Variants in ADAMTS2 observed in about 807,000 individuals in gnomAD.
ADAMTS2 encodes the protein ADAM metallopeptidase with thrombospondin type 1 motif 2, also known as A disintegrin and metalloproteinase with thrombospondin motifs 2.
Under a neutral mutation model 123.0 loss-of-function variants are expected in ADAMTS2, and 50 were observed. The observed-to-expected ratio is 0.41, with a 90% CI of 0.32 to 0.51. The LOEUF is 0.51. Among genes scored for constraint, ADAMTS2 ranks in the 20% least tolerant of loss-of-function variants. The probability of loss-of-function intolerance (pLI) is 0.35; values close to 1 mark genes in which losing one functional copy is unlikely to be tolerated. For missense variants in ADAMTS2, 1,494 were observed against 1,705.2 expected (o/e 0.88, Z 2.18); for synonymous variants, 678 against 695.4 (o/e 0.98, Z 0.39).
intron 4 of ADAMTS2, among the ~76,000 whole-genome samples, chr5:179,186,117 G>A (rs945765091): frequency 2.6e-5 from 4 of 152,138 alleles, no homozygotes; most frequent in Non-Finnish European, 5.9e-5. Context: ...TGGGGCTTGC[G>A]ATGGCCTCCT....
In ADAMTS2 at chr5:179,155,149, G is replaced by A. The variant is rs376433242; in HGVS notation, c.1133-230C>T. Among the ~76,000 whole-genome samples, 9 of 152,338 alleles carry A rather than the reference G, an allele frequency of 5.9e-5. No homozygotes were observed. The East Asian group carries it at 9.6e-4, about 16-fold the overall frequency. ...CCGTCACCACACAAGCCCCGTGGCC[G>A]TTCTGCCTGTAACAGCCACACTGCA... On this transcript the variant is annotated intron_variant, in intron 6 of 21. Transcript: ENST00000251582. The surrounding 1 kb of genome is among the most constrained non-coding windows in gnomAD (Gnocchi z 5.1).
intron 2 of ADAMTS2, among the ~76,000 whole-genome samples, chr5:179,342,299 T>G (rs1199759845): frequency 6.6e-6 from 1 of 152,014 alleles, no homozygotes; most frequent in Non-Finnish European, 1.5e-5. Flanking sequence ...AGCAAACATC[T>G]CCTTTCATTT....
rs41285549 is a variant in ADAMTS2 at position 179,154,123 on chromosome 5, C to T, written c.1308G>A (p.Ala436=). ...GGTGGAAGGCGGCCTGCACCAGGGG[C>T]GCCATGATGCTGCCCAGCCGCACCT... ...GDEVRLGSIM[A]PLVQAAFHRF... is the part of the protein sequence containing the mutation. The change falls in exon 8 of 22, where the codon GCG becomes GCA. Residue 436 remains alanine (A), a synonymous_variant. Transcript: ENST00000251582. The T allele has an allele frequency of 3.1e-3, 4,987 of 1,594,590 alleles. 16 individuals are homozygous for T. The highest frequency in any genetic ancestry group is 3.6e-3 in the Non-Finnish European group (4,211 of 1,175,622).
rs10464054 is a variant in ADAMTS2 at position 179,303,016 on chromosome 5, T to G, written c.535-29952A>C. Among the ~76,000 whole-genome samples, 196 of 139,590 alleles carry G rather than the reference T, an allele frequency of 1.4e-3. No individual in the cohort carries two copies. Among genetic ancestry groups the G allele is most frequent in the African/African-American group, 4.0e-3 (149 of 37,630 alleles). The allele number at this position is 139,590 out of a possible 152,430, so 91.6% of individuals were successfully genotyped here. ...GTGGGCCTGGGTGGGGTACAGGAGG[T>G]CAGAGTGGTGGGCGGGGGCAGACTG... On this transcript the variant is annotated intron_variant, in intron 2 of 21. Coordinates refer to ENST00000251582, the MANE Select transcript of ADAMTS2 (RefSeq NM_014244.5). This position sits in a 1 kb window ranked among gnomAD's most constrained non-coding sequence, Gnocchi z 4.7.
At chr5:179,134,003 C>T (rs1471610690) in intron 13 of ADAMTS2, among the ~76,000 whole-genome samples, 2 of 152,086 alleles carry the variant, frequency 1.3e-5, no homozygotes, top group East Asian at 1.9e-4. Flanking sequence ...TGAGCCACCA[C>T]GCCCAGCCCC....
intron 3 of ADAMTS2, among the ~76,000 whole-genome samples, chr5:179,250,285 T>C (rs1278613424): frequency 6.6e-6 from 1 of 152,156 alleles, no homozygotes; most frequent in Non-Finnish European, 1.5e-5. Flanking sequence ...GTATTCAACA[T>C]AGTACCGGAC....
At position 179,132,951 on chromosome 5, in the gene ADAMTS2, A is replaced by G. The variant is rs61610112; in HGVS notation, c.2086-51T>C. The G allele has an allele frequency of 1.5e-3, 2,408 of 1,598,074 alleles. 24 individuals are homozygous for G. The African/African-American group carries it at 0.029, about 19-fold the overall frequency. ...CTTGAGACGTCCTGCTAGTAGAGTC[A>G]GGGTCATACTATGTTGCCCCCAGTC... On this transcript the variant is annotated intron_variant, in intron 13 of 21. Transcript: ENST00000251582. The surrounding 1 kb of genome is among the most constrained non-coding windows in gnomAD (Gnocchi z 6.1).
At chr5:179,253,701 G>A (rs563310343) in intron 3 of ADAMTS2, among the ~76,000 whole-genome samples, 1 of 151,616 alleles carries the variant, frequency 6.6e-6, no homozygotes, top group African/African-American at 2.4e-5. Flanking sequence ...CACTGTGCTG[G>A]CTGCCCCAGC....
Position 179,181,960 on chromosome 5 carries a change from GCACTGAGCCCC to G in ADAMTS2, c.892-816_892-806del, listed in dbSNP as rs1181649344. ...CTCGAGGCTGTCAGGGGCTTCCTTC[GCACTGAGCCCC>G]CACCCTCCAGCTTCCCACCGCACAC... is the stretch of plus-strand genomic sequence containing the variant. On this transcript the variant is annotated intron_variant, in intron 4 of 21. Transcript: ENST00000251582. This position sits in a 1 kb window ranked among gnomAD's most constrained non-coding sequence, Gnocchi z 4.1. 6.6e-6 allele frequency among the ~76,000 whole-genome samples: 1 copy of G among 151,976 alleles called. No homozygotes were observed. The highest frequency in any genetic ancestry group is 6.6e-5 in the Admixed American group (1 of 15,264).
At chr5:179,146,035 A>G (rs1763244829) in intron 10 of ADAMTS2, among the ~76,000 whole-genome samples, 1 of 152,102 alleles carries the variant, frequency 6.6e-6, no homozygotes, top group East Asian at 1.9e-4. Flanking sequence ...TTGTATTTTT[A>G]GCAGAGACAG....
At chr5:179,283,549 CAAAAAAAA>C (rs3986816) in intron 2 of ADAMTS2, among the ~76,000 whole-genome samples, 24 of 51,332 alleles carry the variant, frequency 4.7e-4, no homozygotes, top group African/African-American at 2.1e-3. Flanking sequence ...AGAAAAACAG[CAAAAAAAA>C]AAAAAAAAAA....
chr5:179,186,465 C>T (rs549625081), intron 4 of ADAMTS2, among the ~76,000 whole-genome samples: 1 of 152,136 alleles, frequency 6.6e-6, no homozygotes, highest in Non-Finnish European at 1.5e-5. Context: ...CCTCCGTGGG[C>T]CTGAGGAGTG....
chr5:179,165,504 G>A (rs541916243), intron 5 of ADAMTS2, among the ~76,000 whole-genome samples: 2 of 152,278 alleles, frequency 1.3e-5, no homozygotes, highest in East Asian at 3.9e-4. Flanking sequence ...GACTCCACCT[G>A]TTCCTAGCTG....
rs979477690 is a variant in ADAMTS2, at chr5:179,129,795, T to C, written c.2457+137A>G. Reference sequence around the variant, plus strand: ...CTGGCTCTGACCAAGTCGGAGCCCCTTGGTGCCAAAGGCAGGCCAAAGGGG... The same window carrying C: ...CTGGCTCTGACCAAGTCGGAGCCCCCTGGTGCCAAAGGCAGGCCAAAGGGG... On this transcript the variant is annotated intron_variant, in intron 16 of 21. Transcript: ENST00000251582. This position sits in a 1 kb window ranked among gnomAD's most constrained non-coding sequence, Gnocchi z 4.1. The C allele has an allele frequency of 1.1e-5, 13 of 1,202,054 alleles. No homozygotes were observed. The highest frequency in any genetic ancestry group is 7.5e-5 in the East Asian group (3 of 39,826). The allele number at this position is 1,202,054 out of a possible 1,614,324, so 74.5% of individuals were successfully genotyped here.
In ADAMTS2 at chr5:179,166,010, C is replaced by G. The variant is rs867052916; in HGVS notation, c.976-7131G>C. Among the ~76,000 whole-genome samples the G allele has an allele frequency of 2.0e-5, 3 of 152,158 alleles. No individual in the cohort carries two copies. In the South Asian group the frequency reaches 6.2e-4, roughly 32 times the overall value. ...CCCCTCATGGAGGGCTCTGCCACCCCTGTTTGGAGGTGACATCGACCACTG... is the reference window on the plus strand; with the variant it reads ...CCCCTCATGGAGGGCTCTGCCACCCGTGTTTGGAGGTGACATCGACCACTG... On this transcript the variant is annotated intron_variant, in intron 5 of 21. Transcript: ENST00000251582.
chr5:179,243,921 C>A (rs145260392), intron 3 of ADAMTS2, among the ~76,000 whole-genome samples: 2 of 152,178 alleles, frequency 1.3e-5, no homozygotes, highest in African/African-American at 4.8e-5. Context: ...TAGATTGGAA[C>A]TGGCAGAAGA....
intron 5 of ADAMTS2, among the ~76,000 whole-genome samples, chr5:179,174,847 CATTCATGTTCCTTTGGAGGAA>C (rs1763898899): frequency 2.9e-5 from 2 of 68,366 alleles, no homozygotes; most frequent in South Asian, 5.9e-4. Context: ...CATTCTTGAC[CATTCATGTTCCTTTGGAGGAA>C]GTCTCTTCCT....
chr5:179,114,211 T>G lies in ADAMTS2; in HGVS notation c.3292A>C (p.Asn1098His). 2 of 1,612,674 alleles carry G rather than the reference T, an allele frequency of 1.2e-6. No homozygotes were observed. Among genetic ancestry groups the G allele is most frequent in the Non-Finnish European group, 1.7e-6 (2 of 1,178,834 alleles). The change falls in exon 22 of 22, where the codon AAC becomes CAC. Residue 1098 changes from asparagine (N) to histidine (H), a missense_variant. This residue lies in a region of ADAMTS2 where 953 missense variants were observed against 1,124.7 expected (regional missense o/e 0.85). Transcript: ENST00000251582. ...LCCKSCNLYN[N>H]LTNVEGRIEP... Reference sequence around the variant, plus strand: ...ATCCTGCCCTCCACGTTGGTGAGGTTGTTGTACAGGTTACAGGACTTGCAG... The same window carrying G: ...ATCCTGCCCTCCACGTTGGTGAGGTGGTTGTACAGGTTACAGGACTTGCAG...
rs1757519143 is a variant in ADAMTS2 at position 179,332,943 on chromosome 5, A to G, written c.534+10824T>C. Reference sequence around the variant, plus strand: ...GGCCGCCAAGTGTGGACAGCCCTGCAGCAAAGGCCAGCTACTGCCCTGGGA... The same window carrying G: ...GGCCGCCAAGTGTGGACAGCCCTGCGGCAAAGGCCAGCTACTGCCCTGGGA... On this transcript the variant is annotated intron_variant, in intron 2 of 21. Transcript: ENST00000251582. The surrounding 1 kb of genome is among the most constrained non-coding windows in gnomAD (Gnocchi z 4.2). Among the ~76,000 whole-genome samples, 1 of 152,154 alleles carries G rather than the reference A, an allele frequency of 6.6e-6. No individual in the cohort carries two copies. Among genetic ancestry groups the G allele is most frequent in the Non-Finnish European group, 1.5e-5 (1 of 67,996 alleles).
Sources: gnomAD v4.1 joint callset for allele counts (sites outside exome capture counted in the v4.1 genomes callset) on GRCh38, gnomAD v4.1.1 for gene constraint, gnomAD v4.1.1 regional missense constraint, Gnocchi (gnomAD v3.1) non-coding constraint, MANE v1.5 for transcripts, NCBI Gene and HGNC (gene_info 2026-07-23, HGNC 2026-07-21) for gene names.